LIPJ: variants seen among roughly 807,000 people sequenced by gnomAD.
The protein encoded by LIPJ is lipase member J.
LIPJ carries 33 observed loss-of-function variants against 39.8 expected under a neutral mutation model. The ratio of observed to expected loss-of-function variants is 0.83; its 90% CI spans 0.63 to 1.11. The LOEUF (loss-of-function observed/expected upper bound fraction) is 1.11, where lower values mean the gene tolerates loss of function less well. Ranked by LOEUF, LIPJ falls within the 50% of genes least tolerant of loss-of-function variation. The pLI is 0.00. For synonymous variants in LIPJ, 128 were observed against 139.2 expected, an observed-to-expected ratio of 0.92 and a Z score of 0.57; for missense variants, 422 against 427.9, an observed-to-expected ratio of 0.99 and a Z score of 0.12.
chr10:88,619,481 T>C, the LIPJ span, among the ~76,000 whole-genome samples: 2 of 35,114 alleles, frequency 5.7e-5, no homozygotes, highest in Admixed American at 3.0e-4. Context: ...ATATCCCTTT[T>C]GTCTGGTTGC....
exon 11 of LIPJ, chr10:88,606,847 A>C (rs765720333): frequency 1.2e-6 from 2 of 1,605,096 alleles, no homozygotes; most frequent in South Asian, 2.2e-5. Flanking sequence ...CTTTGTTTGG[A>C]TTAGATGTCT....
chr10:88,587,017 A>G (rs1415555361), intron 1 of LIPJ, 172 bp downstream of exon 1: 1 of 152,154 alleles, frequency 6.6e-6, no homozygotes, highest in Non-Finnish European at 1.5e-5. Flanking sequence ...TGTTATTACA[A>G]TAACTGCCAG....
At chr10:88,605,605 A>G in intron 9 of LIPJ, 28 bp from the exon 10 acceptor site, 6 of 1,499,432 alleles carry the variant, frequency 4.0e-6, no homozygotes, top group Non-Finnish European at 4.6e-6. Context: ...AACAAATGAT[A>G]TGGTCTTATT....
chr10:88,614,716 C>CTATATAAAATAGTGGTAAAAAA, the LIPJ span, among the ~76,000 whole-genome samples: 7 of 151,966 alleles, frequency 4.6e-5, no homozygotes, highest in African/African-American at 1.7e-4. Context: ...TATAGAATTG[C>CTATATAAAATAGTGGTAAAAAA]TAGTGGTAAA....
At chr10:88,592,973 G>A (rs1851132157) in intron 4 of LIPJ, 1 of 151,928 alleles carries the variant, frequency 6.6e-6, no homozygotes, top group African/African-American at 2.4e-5. Context: ...GGGTAAGCCA[G>A]ACCTTCATCC....
chr10:88,591,411 GA>G lies in LIPJ; in HGVS notation c.45del (p.Glu16AsnfsTer5), dbSNP rs747329276. On this transcript the variant is annotated frameshift_variant, in exon 4 of 11. Transcript: ENST00000371939. LOFTEE classifies it high-confidence loss of function. ...TATTTCCTACTGGGGCTACCCTGATGAAGAATATGATATTGTAACCGAAGAT... is the reference window on the plus strand; with the variant it reads ...TATTTCCTACTGGGGCTACCCTGATGAGAATATGATATTGTAACCGAAGAT... 144 of 1,603,750 alleles carry G rather than the reference GA, an allele frequency of 9.0e-5. No individual in the cohort carries two copies. The highest frequency in any genetic ancestry group is 1.1e-4 in the Non-Finnish European group (133 of 1,172,978).
the LIPJ span, among the ~76,000 whole-genome samples, chr10:88,617,613 A>G: frequency 6.6e-6 from 1 of 152,278 alleles, no homozygotes; most frequent in Non-Finnish European, 1.5e-5. Context: ...GAAAGGGGAA[A>G]GCTATGGTTG....
At chr10:88,596,467 A>G in intron 7 of LIPJ, 51 bp downstream of exon 7, 1 of 1,429,522 alleles carries the variant, frequency 7.0e-7, no homozygotes, top group Non-Finnish European at 9.2e-7. Context: ...TGATAATTTT[A>G]TGCTTTCAAA....
chr10:88,604,325 G>A (rs1230342122), intron 9 of LIPJ, among the ~76,000 whole-genome samples: 1 of 152,196 alleles, frequency 6.6e-6, no homozygotes, highest in Non-Finnish European at 1.5e-5. Context: ...TGTGTGAAGT[G>A]AGTAGGCACT....
At chr10:88,583,368 C>T (rs1850776582), upstream of LIPJ, 1 of 1,394,866 alleles carries the variant, frequency 7.2e-7, no homozygotes. Context: ...GCGGCCGGAG[C>T]TGAGAGGCCC....
At chr10:88,601,075 A>G (rs1269392925) in intron 8 of LIPJ, among the ~76,000 whole-genome samples, 1 of 151,994 alleles carries the variant, frequency 6.6e-6, no homozygotes, top group Non-Finnish European at 1.5e-5. Context: ...CAGCCTCCCA[A>G]GTAGCTCAGA....
chr10:88,589,375 A>G (rs1002606139), intron 2 of LIPJ, among the ~76,000 whole-genome samples: 6 of 151,926 alleles, frequency 3.9e-5, no homozygotes, highest in African/African-American at 1.4e-4. Flanking sequence ...CAAATGTTAT[A>G]AAGTTTTTCC....
chr10:88,598,570 G>T (rs1851339576), intron 8 of LIPJ, among the ~76,000 whole-genome samples: 1 of 151,944 alleles, frequency 6.6e-6, no homozygotes, highest in African/African-American at 2.4e-5. Context: ...TATTATTTAG[G>T]TCCCTTTCAG....
chr10:88,609,898 CAA>C (rs11305444), downstream of LIPJ, among the ~76,000 whole-genome samples: 180 of 84,526 alleles, frequency 2.1e-3, no homozygotes, highest in Middle Eastern at 5.3e-3. Context: ...GACTCTGTCT[CAA>C]AAAAAAAAAA....
intron 4 of LIPJ, 100 bp from the exon 5 acceptor site, chr10:88,593,846 T>C (rs1851161527): frequency 1.0e-6 from 1 of 993,882 alleles, no homozygotes; most frequent in South Asian, 1.7e-5. Context: ...TTTTTTAAAA[T>C]CTTTAAACTG....
chr10:88,583,318 TG>T, upstream of LIPJ: 3 of 1,433,044 alleles, frequency 2.1e-6, no homozygotes, highest in Non-Finnish European at 2.7e-6. Context: ...ACCTGGGCCC[TG>T]AGCTTTCCTC....
At position 88,602,581 on chromosome 10, in the gene LIPJ, T is replaced by C. The variant is rs17430429; in HGVS notation, c.729T>C (p.Arg243=). 4.5e-6 allele frequency: 7 copies of C among 1,543,166 alleles called. No individual in the cohort carries two copies. In the African/African-American group the frequency reaches 9.7e-5, roughly 21 times the overall value. ...TTTTTTTTTTTACCCCTCAGAGTCG[T>C]TTGGATGTGTATTTTTCACACAACC... The change falls in exon 9 of 11, where the codon CGT becomes CGC. Residue 243 remains arginine, a synonymous_variant. Transcript: ENST00000371939.
At chr10:88,607,015 G>A, downstream of LIPJ, 1 of 1,246,718 alleles carries the variant, frequency 8.0e-7, no homozygotes, top group Non-Finnish European at 1.0e-6. Flanking sequence ...TAAATATGTA[G>A]TTTTTTCCTC....
chr10:88,594,519 C>G, intron 5 of LIPJ, 148 bp from the exon 6 acceptor site: 2 of 464,954 alleles, frequency 4.3e-6, no homozygotes, highest in Non-Finnish European at 3.8e-6. Context: ...ACAGAAGTCT[C>G]TATTCAGAAG....
Sources: gnomAD v4.1 joint callset for allele counts (sites outside exome capture counted in the v4.1 genomes callset) on GRCh38, gnomAD v4.1.1 for gene constraint, MANE v1.5 for transcripts, NCBI Gene and HGNC (gene_info 2026-07-23, HGNC 2026-07-21) for gene names.